Variants in LEPR observed in about 807,000 individuals in gnomAD.
LEPR encodes leptin receptor, also known as OB receptor.
Under a neutral mutation model 114.7 loss-of-function variants are expected in LEPR, and 56 were observed. The observed-to-expected ratio is 0.49, with a 90% CI of 0.39 to 0.61. The LOEUF is 0.61. Ranked by LOEUF, LEPR falls within the 20% of genes least tolerant of loss-of-function variation. The probability of loss-of-function intolerance (pLI) is 0.00; values close to 1 mark genes in which losing one functional copy is unlikely to be tolerated. For synonymous variants in LEPR, 443 were observed against 461.4 expected (o/e 0.96, Z 0.51); for missense variants, 1,202 against 1,352.9 (o/e 0.89, Z 1.75).
intron 2 of LEPR, among the ~76,000 whole-genome samples, chr1:65,525,462 C>G (rs891138664): frequency 5.9e-5 from 9 of 152,130 alleles, no homozygotes; most frequent in African/African-American, 2.2e-4. Flanking sequence ...CCCGCAGGCC[C>G]GCGGCCACCC....
At chr1:65,473,463 C>T (rs573999068) in intron 2 of LEPR, among the ~76,000 whole-genome samples, 3 of 152,276 alleles carry the variant, frequency 2.0e-5, no homozygotes, top group Admixed American at 6.5e-5. Context: ...TTATTGACCC[C>T]TAGAAAATGA....
At chr1:65,542,824 T>C (rs565252005) in intron 2 of LEPR, among the ~76,000 whole-genome samples, 4 of 152,044 alleles carry the variant, frequency 2.6e-5, no homozygotes, top group African/African-American at 7.3e-5. Flanking sequence ...TAGTATTCCA[T>C]GGTGTATATG....
intron 2 of LEPR, among the ~76,000 whole-genome samples, chr1:65,510,006 A>C (rs1320331627): frequency 6.6e-6 from 1 of 152,188 alleles, no homozygotes; most frequent in Admixed American, 6.6e-5. Context: ...AAATAATGGA[A>C]ACTGATTTAT....
intron 14 of LEPR, 68 bp downstream of exon 14, chr1:65,610,364 A>G (rs2100969888): frequency 1.6e-6 from 2 of 1,273,784 alleles, no homozygotes; most frequent in Non-Finnish European, 2.2e-6. Flanking sequence ...TTCATGGTCC[A>G]TAATCCTGTT....
In LEPR at chr1:65,621,374, G is replaced by T; in HGVS notation, c.2513G>T (p.Ser838Ile). The change falls in exon 18 of 20, where the codon AGT becomes ATT. Residue 838 changes from serine (S) to isoleucine (I), a missense_variant. By Grantham distance (142) the Ser-to-Ile change is moderately radical (BLOSUM62 -2). Transcript: ENST00000349533. ...FTQDDIEKHQSDAGLYVIVPV... is the reference protein window; with the variant it reads ...FTQDDIEKHQIDAGLYVIVPV... ...TCAGATGATATTGAAAAACACCAGA[G>T]TGATGCAGGTTTATATGTAATTGTG... The T allele has an allele frequency of 6.2e-7, 1 of 1,613,296 alleles. No homozygotes were observed. The highest frequency in any genetic ancestry group is 1.7e-5 in the Admixed American group (1 of 59,968).
rs757022660 is a variant in LEPR, at chr1:65,622,887, C to T, written c.2598-19C>T. On this transcript the variant is annotated intron_variant, in intron 18 of 19. Transcript: ENST00000349533. ...TGGATGTTTTTCTCTAATTTTGATG[C>T]CCTGTTTATCCTTTGTAGAATGAAA... The T allele has an allele frequency of 1.2e-6, 2 of 1,612,728 alleles. No individual in the cohort carries two copies. The highest frequency in any genetic ancestry group is 1.7e-6 in the Non-Finnish European group (2 of 1,179,250).
chr1:65,570,414 A>C (rs1442780740), intron 3 of LEPR, 59 bp from the exon 4 acceptor site: 1 of 1,519,336 alleles, frequency 6.6e-7, no homozygotes, highest in East Asian at 2.3e-5. Context: ...GATACTTTCT[A>C]TTCATGTCTT....
In LEPR at chr1:65,640,070, ATTC is replaced by A. The variant is rs1311436736; in HGVS notation, c.*3060_*3062del. The stretch of plus-strand genomic sequence containing the variant: ...AAGGTTTTATAACCTTAGGCATGTC[ATTC>A]TTCTACTTCTCATTTTTCCCTAATA... On this transcript the variant is annotated 3_prime_UTR_variant, in exon 20 of 20. Coordinates refer to ENST00000349533, the MANE Select transcript of LEPR (RefSeq NM_002303.6). 6.6e-6 allele frequency: 1 copy of A among 152,106 alleles called. No homozygotes were observed. The highest frequency in any genetic ancestry group is 2.4e-5 in the African/African-American group (1 of 41,416). The allele number at this position is 152,106 out of a possible 1,614,324, so 9.4% of individuals were successfully genotyped here. A position where few individuals can be genotyped will look rare whatever the true frequency, so the allele number is the denominator to read the frequency against.
chr1:65,524,260 CT>C (rs1649788714), intron 2 of LEPR, among the ~76,000 whole-genome samples: 1 of 152,176 alleles, frequency 6.6e-6, no homozygotes, highest in African/African-American at 2.4e-5. Flanking sequence ...CTGCAGAAAC[CT>C]ACCTCAATTT....
chr1:65,488,226 C>CTCTCTCTTTCTT lies in LEPR; in HGVS notation c.-21+62851_-21+62852insCTCTTTCTTTCT, dbSNP rs1553157734. On this transcript the variant is annotated intron_variant, in intron 2 of 19. Coordinates refer to ENST00000349533, the MANE Select transcript of LEPR (RefSeq NM_002303.6). ...TTTCTTTCTTTCTCTCTCTCTCTCTCTCTTTCTTTCTTTCTTTCTTTCTTT... is the reference window on the plus strand; with the variant it reads ...TTTCTTTCTTTCTCTCTCTCTCTCTCTCTCTCTTTCTTTCTTTCTTTCTTTCTTTCTTTCTTT... Among the ~76,000 whole-genome samples, 137 of 67,912 alleles carry CTCTCTCTTTCTT rather than the reference C, an allele frequency of 2.0e-3. 5 individuals are homozygous for CTCTCTCTTTCTT. Among genetic ancestry groups the CTCTCTCTTTCTT allele is most frequent in the African/African-American group, 7.6e-3 (87 of 11,414 alleles). The allele number at this position is 67,912 out of a possible 152,430, so 44.6% of individuals were successfully genotyped here.
rs1310556138 is a variant in LEPR at position 65,570,553 on chromosome 1, A to G, written c.121A>G (p.Asn41Asp). ...WRFKLSCMPP[N>D]STYDYFLLPA... is the part of the protein sequence containing the mutation. ...ATTTAAGTTGTCTTGCATGCCACCAAATTCAACCTATGACTACTTCCTTTT... is the reference window on the plus strand; with the variant it reads ...ATTTAAGTTGTCTTGCATGCCACCAGATTCAACCTATGACTACTTCCTTTT... Residue 41 changes from asparagine (N) to aspartate (D), a missense_variant, in exon 4 of 20, where the codon AAT (asparagine) becomes GAT (aspartate). By Grantham distance (23) the Asn-to-Asp change is conservative. Transcript: ENST00000349533. The G allele has an allele frequency of 6.2e-7, 1 of 1,614,020 alleles. No homozygotes were observed. The highest frequency in any genetic ancestry group is 8.5e-7 in the Non-Finnish European group (1 of 1,179,952).
At chr1:65,571,536 A>G (rs1037076769) in intron 4 of LEPR, among the ~76,000 whole-genome samples, 3 of 151,956 alleles carry the variant, frequency 2.0e-5, no homozygotes, top group Non-Finnish European at 4.4e-5. Flanking sequence ...CTCCAGTATG[A>G]AAATACAGGC....
intron 5 of LEPR, among the ~76,000 whole-genome samples, chr1:65,574,415 A>G (rs1356135169): frequency 6.6e-6 from 1 of 152,208 alleles, no homozygotes; most frequent in African/African-American, 2.4e-5. Context: ...AAAAAAATTT[A>G]AATTTGCTAG....
chr1:65,448,543 G>A (rs550165196), intron 2 of LEPR, among the ~76,000 whole-genome samples: 2 of 152,268 alleles, frequency 1.3e-5, no homozygotes, highest in African/African-American at 4.8e-5. Context: ...TAGAATGAGT[G>A]GGGAAGTATT....
At chr1:65,530,288 A>G (rs1377263866) in intron 2 of LEPR, among the ~76,000 whole-genome samples, 2 of 152,314 alleles carry the variant, frequency 1.3e-5, no homozygotes, top group East Asian at 3.9e-4. Flanking sequence ...CAAATCCAGA[A>G]TATAATGACT....
chr1:65,633,878 T>C lies in LEPR; in HGVS notation c.2674-2313T>C, dbSNP rs1479421673. ...ACAGGACAGTGGGAGTTACAGTTCA[T>C]ATCAGGATGACCCTACATACCCAGG... On this transcript the variant is annotated intron_variant, in intron 19 of 19. Transcript: ENST00000349533. The surrounding 1 kb of genome is among the most constrained non-coding windows in gnomAD (Gnocchi z 4.1). The C allele has an allele frequency of 2.0e-6, 2 of 985,326 alleles. No individual in the cohort carries two copies. The highest frequency in any genetic ancestry group is 3.5e-5 in the African/African-American group (2 of 57,228). The allele number at this position is 985,326 out of a possible 1,614,324, so 61.0% of individuals were successfully genotyped here. A position where few individuals can be genotyped will look rare whatever the true frequency, so the allele number is the denominator to read the frequency against.
At chr1:65,607,798 A>G (rs1188207194) in intron 11 of LEPR, among the ~76,000 whole-genome samples, 1 of 152,222 alleles carries the variant, frequency 6.6e-6, no homozygotes, top group African/African-American at 2.4e-5. Context: ...GGGAAAACTT[A>G]TGTAGTGAAT....
At chr1:65,611,501 G>A (rs1389523390) in intron 14 of LEPR, among the ~76,000 whole-genome samples, 2 of 152,224 alleles carry the variant, frequency 1.3e-5, no homozygotes, top group African/African-American at 2.4e-5. Context: ...GACAGGCAGT[G>A]ATGTTCCCAT....
chr1:65,472,611 T>C (rs1267731021), intron 2 of LEPR, among the ~76,000 whole-genome samples: 2 of 110,424 alleles, frequency 1.8e-5, no homozygotes, highest in South Asian at 2.9e-4. Context: ...AGTGTATATA[T>C]ATAGACACAC....
Sources: gnomAD v4.1 joint callset for allele counts (sites outside exome capture counted in the v4.1 genomes callset) on GRCh38, gnomAD v4.1.1 for gene constraint, Gnocchi (gnomAD v3.1) non-coding constraint, MANE v1.5 for transcripts, NCBI Gene and HGNC (gene_info 2026-07-23, HGNC 2026-07-21) for gene names.